The following ZNF888 variants were observed in gnomAD, a reference collection of about 807,000 sequenced individuals.
The protein encoded by ZNF888 is zinc finger protein 888.
A neutral mutation model predicts 7.2 loss-of-function variants in ZNF888; 5 were observed. That is an observed-to-expected ratio of 0.70 (90% CI 0.36 to 1.46). The LOEUF is 1.46. Among genes scored for constraint, ZNF888 ranks in the 40% most tolerant of loss-of-function variants. The pLI, the probability that ZNF888 is intolerant of heterozygous loss-of-function variation, is 0.03. For synonymous variants in ZNF888, 240 were observed against 284.3 expected (o/e 0.84, Z 1.57); for missense variants, 716 against 858.0 (o/e 0.83, Z 2.07).
At position 52,906,280 on chromosome 19, in the gene ZNF888, G is replaced by GT; in HGVS notation, c.2041dup (p.Thr681AsnfsTer2). ...AGGTTTCTCTCCAGTATGAATTCTA[G>GT]TATGTTGTGCCAGGTGTGAGTAACA... On this transcript the variant is annotated frameshift_variant, in exon 5 of 5. Coordinates refer to ENST00000638862, the MANE Select transcript of ZNF888 (RefSeq NM_001393938.1). LOFTEE classifies it low-confidence loss of function (END_TRUNC). 6.2e-7 allele frequency: 1 copy of GT among 1,612,086 alleles called. No individual in the cohort carries two copies. Among genetic ancestry groups the GT allele is most frequent in the Non-Finnish European group, 8.5e-7 (1 of 1,179,048 alleles).
chr19:52,919,400 A>G lies in ZNF888; in HGVS notation c.-177-463T>C, dbSNP rs1226338720. 1.0e-4 allele frequency among the ~76,000 whole-genome samples: 7 copies of G among 67,856 alleles called. 3 individuals are homozygous for G. The highest frequency in any genetic ancestry group is 6.5e-4 in the East Asian group (2 of 3,092). The allele number at this position is 67,856 out of a possible 152,430, so 44.5% of individuals were successfully genotyped here. On this transcript the variant is annotated intron_variant, in intron 1 of 4. Coordinates refer to ENST00000638862, the MANE Select transcript of ZNF888 (RefSeq NM_001393938.1). ...TGGCCGGGCTGGTCTCCAGCTCCTA[A>G]CCGCCAGCCTCGGCCTCCCGAGGTG...
At chr19:52,909,497 C>A (rs1261224403) in intron 4 of ZNF888, among the ~76,000 whole-genome samples, 1 of 152,056 alleles carries the variant, frequency 6.6e-6, no homozygotes, top group Admixed American at 6.5e-5. Context: ...ACCCACATGT[C>A]TCAGCCTCCT....
chr19:52,922,318 G>A, intron 1 of ZNF888, among the ~76,000 whole-genome samples: 2 of 151,516 alleles, frequency 1.3e-5, no homozygotes, highest in Admixed American at 1.3e-4. Flanking sequence ...TACCCCCCTG[G>A]CCCCACTCTC....
chr19:52,913,686 A>G, intron 4 of ZNF888: 2 of 976,648 alleles, frequency 2.0e-6, no homozygotes, highest in Non-Finnish European at 2.4e-6. Context: ...ACATACCTGC[A>G]ACAATAACCT....
intron 3 of ZNF888, among the ~76,000 whole-genome samples, chr19:52,915,677 A>G (rs555036705): frequency 7.2e-5 from 11 of 152,060 alleles, no homozygotes; most frequent in African/African-American, 2.2e-4. Context: ...GGGTTTCACC[A>G]TGTTGGCCAG....
chr19:52,913,998 G>A (rs187194437), intron 4 of ZNF888, among the ~76,000 whole-genome samples: 2 of 152,242 alleles, frequency 1.3e-5, no homozygotes, highest in African/African-American at 4.8e-5. Context: ...GGTGGTGAGA[G>A]CCTGCAGTCC....
intron 1 of ZNF888, chr19:52,921,749 G>A (rs1321353910): frequency 7.1e-6 from 4 of 561,882 alleles, no homozygotes; most frequent in African/African-American, 6.1e-5. Context: ...CCTACATGGA[G>A]GAACCCCGTT....
chr19:52,911,175 G>A (rs775195384), intron 4 of ZNF888, among the ~76,000 whole-genome samples: 3 of 151,686 alleles, frequency 2.0e-5, no homozygotes, highest in Non-Finnish European at 4.4e-5. Context: ...AATTGCACCT[G>A]GCCCATTTTT....
At position 52,907,640 on chromosome 19, in the gene ZNF888, G is replaced by A. The variant is rs963911653; in HGVS notation, c.682C>T (p.Leu228Phe). Reference protein sequence around the residue: ...ESGKSFNCSSLFKKHQIIHLG... With the variant: ...ESGKSFNCSSFFKKHQIIHLG... The stretch of plus-strand genomic sequence containing the variant: ...TGAATTATCTGATGTTTTTTAAAGA[G>A]TGAGCTACAATTAAAGGATTTGCCA... Residue 228 changes from leucine (L) to phenylalanine (F), a missense_variant, in exon 5 of 5, where the codon CTC becomes TTC. Physicochemically the swap from Leu to Phe is conservative, Grantham distance 22. Transcript: ENST00000638862. 2.4e-5 allele frequency: 38 copies of A among 1,604,168 alleles called. No individual in the cohort carries two copies. The Middle Eastern group carries it at 5.0e-4, about 21-fold the overall frequency.
intron 1 of ZNF888, among the ~76,000 whole-genome samples, chr19:52,921,946 A>G (rs1332181907): frequency 2.0e-5 from 3 of 152,142 alleles, no homozygotes; most frequent in African/African-American, 7.2e-5. Flanking sequence ...GAAAAGAAAG[A>G]AAGAAAGAAA....
At chr19:52,908,553 T>C (rs2064638605) in intron 4 of ZNF888, among the ~76,000 whole-genome samples, 2 of 152,224 alleles carry the variant, frequency 1.3e-5, no homozygotes, top group East Asian at 3.9e-4. Context: ...ATTTACTGTA[T>C]AGAAATAAAT....
intron 4 of ZNF888, chr19:52,914,183 T>G (rs1475891469): frequency 1.7e-5 from 3 of 177,184 alleles, no homozygotes; most frequent in African/African-American, 7.2e-5. Flanking sequence ...TTCAAAGATC[T>G]CAGGATTGAA....
chr19:52,906,482 CT>C lies in ZNF888; in HGVS notation c.1839del (p.Val614PhefsTer101), dbSNP rs1363771658. 3 of 1,613,384 alleles carry C rather than the reference CT, an allele frequency of 1.9e-6. No homozygotes were observed. The Admixed American group carries it at 5.0e-5, about 27-fold the overall frequency. Reference protein sequence around the residue: ...EKPYKCEECDKVFNIKSHLEI... With the variant: ...EKPYKCEECDXVFNIKSHLEI... ...TCAAGGTGTGATTTGATATTGAAAA[CT>C]TTGTCACATTCTTCACATTTGTAAG... On this transcript the variant is annotated frameshift_variant, in exon 5 of 5. Transcript: ENST00000638862. LOFTEE classifies it low-confidence loss of function (END_TRUNC).
chr19:52,906,032 G>A lies in ZNF888; in HGVS notation c.*133C>T. The A allele has an allele frequency of 7.5e-7, 1 of 1,332,788 alleles. No homozygotes were observed. Among genetic ancestry groups the A allele is most frequent in the Admixed American group, 1.7e-5 (1 of 58,566 alleles). 82.6% of individuals were successfully genotyped at this position (1,332,788 alleles called of 1,614,324 possible). ...TTCTCTCCAGTATGAGTTCACCCAT[G>A]AACTACAGCGTATGAACGATGTCTG... On this transcript the variant is annotated 3_prime_UTR_variant, in exon 5 of 5. Transcript: ENST00000638862.
rs2870128 is a variant in ZNF888, at chr19:52,907,120, A to C, written c.1202T>G (p.Ile401Ser). 1 of 1,606,730 alleles carries C rather than the reference A, an allele frequency of 6.2e-7. No individual in the cohort carries two copies. The change falls in exon 5 of 5, where the codon ATT becomes AGT. Residue 401 changes from isoleucine to serine, a missense_variant. Physicochemically the swap from Ile to Ser is moderately radical, Grantham distance 142. This residue lies in a region of ZNF888 where 697 missense variants were observed against 803.4 expected (regional missense o/e 0.87). Coordinates refer to ENST00000638862, the MANE Select transcript of ZNF888 (RefSeq NM_001393938.1). ...FRHDSHLAQH[I>S]VIHTREKPYK... ...AGGTTTCTCTCTAGTGTGAATTACA[A>C]TATGCTGTGCCAGGTGTGAATCATG...
chr19:52,922,652 T>C (rs1406841769), intron 1 of ZNF888, among the ~76,000 whole-genome samples: 1 of 152,146 alleles, frequency 6.6e-6, no homozygotes, highest in Non-Finnish European at 1.5e-5. Context: ...TCCTTCTTCT[T>C]TTATCTGTCT....
chr19:52,913,001 G>A (rs768320447), intron 4 of ZNF888, among the ~76,000 whole-genome samples: 14 of 151,766 alleles, frequency 9.2e-5, no homozygotes, highest in East Asian at 7.8e-4. Flanking sequence ...CAGCTACTCC[G>A]GAGGCTGAGG....
At chr19:52,922,301 C>T (rs867721760) in intron 1 of ZNF888, among the ~76,000 whole-genome samples, 13 of 152,062 alleles carry the variant, frequency 8.5e-5, no homozygotes, top group South Asian at 4.1e-4. Context: ...TTCTCTCTTC[C>T]CCGTTATACC....
rs1376214398 is a variant in ZNF888 at position 52,906,879 on chromosome 19, A to G, written c.1443T>C (p.Leu481=). Reference sequence around the variant, plus strand: ...CAGTGTGAATTCTCCTATGTCTTTCAAGGTGTGATTTGCGACTGAAAACTT... The same window carrying G: ...CAGTGTGAATTCTCCTATGTCTTTCGAGGTGTGATTTGCGACTGAAAACTT... ...CDKVFSRKSH[L]ERHRRIHTGE... Residue 481 remains leucine (L), a synonymous_variant, in exon 5 of 5, where the codon CTT becomes CTC. Transcript: ENST00000638862. The G allele has an allele frequency of 1.7e-5, 27 of 1,611,812 alleles. No homozygotes were observed. In the Middle Eastern group the frequency reaches 6.6e-4, roughly 40 times the overall value.
Sources: gnomAD v4.1 joint callset for allele counts (sites outside exome capture counted in the v4.1 genomes callset) on GRCh38, gnomAD v4.1.1 for gene constraint, gnomAD v4.1.1 regional missense constraint, MANE v1.5 for transcripts, NCBI Gene and HGNC (gene_info 2026-07-23, HGNC 2026-07-21) for gene names.